TBC1D5: variants seen among roughly 807,000 people sequenced by gnomAD.
The protein encoded by TBC1D5 is TBC1 domain family, member 5.
A neutral mutation model predicts 100.3 loss-of-function variants in TBC1D5; 75 were observed. The ratio of observed to expected loss-of-function variants is 0.75; its 90% CI spans 0.62 to 0.91. The LOEUF is 0.91. Among genes scored for constraint, TBC1D5 ranks in the 40% least tolerant of loss-of-function variants. The probability of loss-of-function intolerance (pLI) is 0.00; values close to 1 mark genes in which losing one functional copy is unlikely to be tolerated. For synonymous variants in TBC1D5, 323 were observed against 325.6 expected, an observed-to-expected ratio of 0.99 and a Z score of 0.09; for missense variants, 910 against 942.4, an observed-to-expected ratio of 0.97 and a Z score of 0.45.
Position 17,403,177 on chromosome 3 carries a change from A to G in TBC1D5, c.509+4T>C. Reference sequence around the variant, plus strand: ...GAAAGTAACATGTAAATAGTTCTACATACGTTCTTTTGACATCTTGTTCAA... The same window carrying G: ...GAAAGTAACATGTAAATAGTTCTACGTACGTTCTTTTGACATCTTGTTCAA... On this transcript the variant is annotated splice_donor_region_variant and intron_variant, in intron 8 of 21. Transcript: ENST00000253692. 6.3e-7 allele frequency: 1 copy of G among 1,578,846 alleles called. No homozygotes were observed. Among genetic ancestry groups the G allele is most frequent in the South Asian group, 1.2e-5 (1 of 86,802 alleles).
At chr3:17,443,123 C>A (rs983116135) in intron 3 of TBC1D5, among the ~76,000 whole-genome samples, 1 of 152,022 alleles carries the variant, frequency 6.6e-6, no homozygotes, top group Admixed American at 6.6e-5. Context: ...AAACAGATAC[C>A]AACCCAGAGA....
chr3:17,288,130 AG>A (rs1215087271), intron 15 of TBC1D5, among the ~76,000 whole-genome samples: 1 of 152,238 alleles, frequency 6.6e-6, no homozygotes, highest in Non-Finnish European at 1.5e-5. Flanking sequence ...GGCTATAGGC[AG>A]GTGTACTAGT....
chr3:17,593,777 T>C (rs1015114157), intron 2 of TBC1D5, among the ~76,000 whole-genome samples: 3 of 152,162 alleles, frequency 2.0e-5, no homozygotes, highest in Non-Finnish European at 2.9e-5. Flanking sequence ...AGCAGCTAGA[T>C]TGATAGAACA....
At chr3:17,245,643 G>A (rs2596639) in intron 16 of TBC1D5, among the ~76,000 whole-genome samples, 62,149 of 151,950 alleles carry the variant, frequency 0.41, 13,410 homozygotes, top group Middle Eastern at 0.5. Flanking sequence ...GCAACATACA[G>A]TTTATAATGT....
intron 19 of TBC1D5, among the ~76,000 whole-genome samples, chr3:17,176,011 GA>G (rs1291557743): frequency 6.6e-6 from 1 of 152,194 alleles, no homozygotes; most frequent in Non-Finnish European, 1.5e-5. Context: ...GTGGCTATTG[GA>G]TCATTAGCTA....
At chr3:17,568,476 T>C (rs974664129) in intron 2 of TBC1D5, among the ~76,000 whole-genome samples, 1 of 151,398 alleles carries the variant, frequency 6.6e-6, no homozygotes, top group African/African-American at 2.4e-5. Context: ...AAGAACTAAT[T>C]TTTATAATTT....
At position 17,374,461 on chromosome 3, in the gene TBC1D5, TA is replaced by T; in HGVS notation, c.822+9del. ...GCATATACTGAAAAGATCTGTACTATAAGATTTACCTTCTGACCATCATGCT... is the reference window on the plus strand; with the variant it reads ...GCATATACTGAAAAGATCTGTACTATAGATTTACCTTCTGACCATCATGCT... On this transcript the variant is annotated intron_variant, in intron 12 of 21. Transcript: ENST00000253692. 1 of 1,608,632 alleles carries T rather than the reference TA, an allele frequency of 6.2e-7. No homozygotes were observed. The highest frequency in any genetic ancestry group is 8.5e-7 in the Non-Finnish European group (1 of 1,177,256).
At chr3:17,646,511 T>A (rs2065028565) in intron 1 of TBC1D5, among the ~76,000 whole-genome samples, 1 of 152,142 alleles carries the variant, frequency 6.6e-6, no homozygotes. Flanking sequence ...TATGCATCAT[T>A]CTTGCTCCTC....
chr3:17,616,468 G>A, intron 2 of TBC1D5, among the ~76,000 whole-genome samples: 1 of 152,014 alleles, frequency 6.6e-6, no homozygotes, highest in South Asian at 2.1e-4. Flanking sequence ...TCGGTGATCT[G>A]TCTAATACTG....
At chr3:17,532,390 A>C (rs1170435013) in intron 2 of TBC1D5, among the ~76,000 whole-genome samples, 1 of 152,194 alleles carries the variant, frequency 6.6e-6, no homozygotes, top group Non-Finnish European at 1.5e-5. Flanking sequence ...TGTTGGTGGG[A>C]CTGTAAACTA....
chr3:17,656,222 A>G (rs2066047619), intron 1 of TBC1D5, among the ~76,000 whole-genome samples: 1 of 152,216 alleles, frequency 6.6e-6, no homozygotes, highest in South Asian at 2.1e-4. Context: ...CACACCAGCA[A>G]CAATAAATCG....
chr3:17,269,895 C>A (rs910943781), intron 15 of TBC1D5, among the ~76,000 whole-genome samples: 14 of 152,208 alleles, frequency 9.2e-5, no homozygotes, highest in Middle Eastern at 3.4e-3. Context: ...CAATCCACCA[C>A]TGATGGGCTC....
Position 17,303,797 on chromosome 3 carries a change from C to A in TBC1D5, c.1138+4195G>T, listed in dbSNP as rs187834128. Reference sequence around the variant, plus strand: ...ACCCTCCTATCTCCCTTTAGTCCTGCCTAATTCATTTGGAAGCCTGGATCA... The same window carrying A: ...ACCCTCCTATCTCCCTTTAGTCCTGACTAATTCATTTGGAAGCCTGGATCA... On this transcript the variant is annotated intron_variant, in intron 14 of 21. Coordinates refer to ENST00000253692, the Ensembl canonical transcript of TBC1D5. 3.3e-5 allele frequency among the ~76,000 whole-genome samples: 5 copies of A among 151,080 alleles called. No homozygotes were observed. In the East Asian group the frequency reaches 9.7e-4, roughly 29 times the overall value.
At chr3:17,343,390 C>T (rs1162835874) in intron 13 of TBC1D5, among the ~76,000 whole-genome samples, 25 of 150,814 alleles carry the variant, frequency 1.7e-4, no homozygotes, top group East Asian at 3.9e-4. Flanking sequence ...TGAGGATTTT[C>T]GCATCAATGT....
intron 17 of TBC1D5, among the ~76,000 whole-genome samples, chr3:17,222,769 C>T (rs1470421941): frequency 6.6e-6 from 1 of 151,232 alleles, no homozygotes; most frequent in Non-Finnish European, 1.5e-5. Context: ...AGGCCAGTAT[C>T]TTTCTTCAGC....
chr3:17,603,155 G>GT (rs1224220563), intron 2 of TBC1D5, among the ~76,000 whole-genome samples: 3,171 of 133,802 alleles, frequency 0.024, 67 homozygotes, highest in African/African-American at 0.057. Flanking sequence ...AAGTTTTTTG[G>GT]TTTTTTTTTT....
chr3:17,326,565 C>T (rs1463444600), intron 13 of TBC1D5, among the ~76,000 whole-genome samples: 1 of 152,136 alleles, frequency 6.6e-6, no homozygotes, highest in African/African-American at 2.4e-5. Flanking sequence ...CTCAACCTTT[C>T]AAGATGAAGC....
chr3:17,167,687 C>CT (rs1460492139), intron 20 of TBC1D5, 62 bp downstream of exon 21: 4 of 1,489,502 alleles, frequency 2.7e-6, no homozygotes, highest in Non-Finnish European at 3.7e-6. Flanking sequence ...GCTCCATGCC[C>CT]TGGGGGGCCC....
chr3:17,629,900 T>C (rs1352636087), intron 1 of TBC1D5, among the ~76,000 whole-genome samples: 2 of 152,186 alleles, frequency 1.3e-5, no homozygotes, highest in Non-Finnish European at 2.9e-5. Context: ...AATTAAAAAC[T>C]TGTGTTGTTT....
Sources: allele counts gnomAD v4.1 joint callset (sites outside exome capture counted in the v4.1 genomes callset), GRCh38; gene constraint gnomAD v4.1.1; transcripts MANE v1.5; gene names NCBI Gene and HGNC (gene_info 2026-07-23, HGNC 2026-07-21).